NFIB: variants seen among roughly 807,000 people sequenced by gnomAD.
NFIB encodes nuclear factor I B, also known as nuclear factor 1 B-type.
NFIB carries 11 observed loss-of-function variants against 61.5 expected under a neutral mutation model. That is an observed-to-expected ratio of 0.18 (90% confidence interval 0.11 to 0.30). The LOEUF (loss-of-function observed/expected upper bound fraction) is 0.30, where lower values mean the gene tolerates loss of function less well. NFIB is among the 10% of genes least tolerant of loss of function. The pLI is 1.00. For missense variants in NFIB, 471 were observed against 608.9 expected (o/e 0.77, Z 2.38); for synonymous variants, 260 against 216.5 (o/e 1.20, Z -1.76).
chr9:14,160,140 T>G (rs751905066), intron 3 of NFIB, among the ~76,000 whole-genome samples: 3 of 152,090 alleles, frequency 2.0e-5, no homozygotes, highest in Non-Finnish European at 4.4e-5. Context: ...TAAAATTGAG[T>G]AGGAAATAAA....
At chr9:14,189,938 T>C (rs572681716) in intron 2 of NFIB, among the ~76,000 whole-genome samples, 17 of 152,124 alleles carry the variant, frequency 1.1e-4, no homozygotes, top group Admixed American at 9.8e-4. Flanking sequence ...TATTCTAATT[T>C]TTAAGTTTCT....
intron 2 of NFIB, among the ~76,000 whole-genome samples, chr9:14,243,924 C>T (rs2054612840): frequency 6.6e-6 from 1 of 152,126 alleles, no homozygotes; most frequent in East Asian, 1.9e-4. Flanking sequence ...ACATTGGTAG[C>T]AGAATTAAAC....
chr9:14,305,943 T>A, intron 2 of NFIB: 1 of 1,306,846 alleles, frequency 7.7e-7, no homozygotes, highest in Non-Finnish European at 9.9e-7. Flanking sequence ...GTAAAATGAT[T>A]GTTTTACTAT....
intron 1 of NFIB, among the ~76,000 whole-genome samples, chr9:14,363,636 C>CAT (rs1345230869): frequency 8.2e-6 from 1 of 121,612 alleles, no homozygotes; most frequent in South Asian, 2.3e-4. Flanking sequence ...TGTACATATA[C>CAT]ATATATATGT....
At chr9:14,492,935 C>G in the NFIB span, among the ~76,000 whole-genome samples, 13 of 152,240 alleles carry the variant, frequency 8.5e-5, no homozygotes, top group Admixed American at 3.9e-4. Context: ...ACTAACCTCT[C>G]TGAGCTTCAT....
intron 3 of NFIB, among the ~76,000 whole-genome samples, chr9:14,175,815 A>G (rs899649198): frequency 2.3e-4 from 35 of 152,238 alleles, no homozygotes; most frequent in African/African-American, 8.2e-4. Flanking sequence ...AAACTGCCCT[A>G]GCATTTAACA....
At chr9:14,312,762 C>G (rs1328689067) in intron 1 of NFIB, among the ~76,000 whole-genome samples, 1 of 152,180 alleles carries the variant, frequency 6.6e-6, no homozygotes, top group Non-Finnish European at 1.5e-5. Flanking sequence ...GAGCTACGCC[C>G]AAATATCGTC....
intron 2 of NFIB, among the ~76,000 whole-genome samples, chr9:14,237,815 T>TGTGTG (rs2053919393): frequency 1.6e-5 from 1 of 60,618 alleles, no homozygotes; most frequent in African/African-American, 5.3e-5. Flanking sequence ...TGTGTGTGTG[T>TGTGTG]AAGCTCCTCA....
Position 14,088,051 on chromosome 9 carries a change from G to GTT in NFIB, c.*257_*258insAA. On this transcript the variant is annotated 3_prime_UTR_variant, in exon 11 of 11. Transcript: ENST00000380953. ...TTCAACCTTAAGGGAATTAGTGATT[G>GTT]TAAGTGCTGCAATTGCTGGTCTATT... 1 of 653,710 alleles carries GTT rather than the reference G, an allele frequency of 1.5e-6. No individual in the cohort carries two copies. Among genetic ancestry groups the GTT allele is most frequent in the Non-Finnish European group, 2.2e-6 (1 of 445,920 alleles). 40.5% of individuals were successfully genotyped at this position (653,710 alleles called of 1,614,324 possible).
At chr9:14,192,881 G>C (rs2048104050) in intron 2 of NFIB, among the ~76,000 whole-genome samples, 3 of 151,942 alleles carry the variant, frequency 2.0e-5, no homozygotes, top group Non-Finnish European at 4.4e-5. Context: ...ACTCAAATCT[G>C]ACAGATACAT....
the NFIB span, among the ~76,000 whole-genome samples, chr9:14,417,851 G>A: frequency 6.8e-6 from 1 of 147,588 alleles, no homozygotes. Context: ...TGCGATCTCG[G>A]CTCACTGCAA....
chr9:14,345,221 T>C (rs688702), intron 1 of NFIB, among the ~76,000 whole-genome samples: 44,034 of 152,114 alleles, frequency 0.29, 10,975 homozygotes, highest in African/African-American at 0.68. Flanking sequence ...CTCCAAAGCC[T>C]TTAACTTTTT....
intron 2 of NFIB, among the ~76,000 whole-genome samples, chr9:14,264,718 G>A (rs10122910): frequency 0.7 from 106,660 of 151,966 alleles, 38,377 homozygotes; most frequent in Middle Eastern, 0.88. Context: ...GAATGTAGAG[G>A]AGAAAAGGAT....
intron 6 of NFIB, among the ~76,000 whole-genome samples, chr9:14,145,217 G>A (rs2131095393): frequency 6.6e-6 from 1 of 151,984 alleles, no homozygotes; most frequent in Non-Finnish European, 1.5e-5. Context: ...TTCCCTCCAT[G>A]TGCACTGTGT....
chr9:14,101,300 G>C (rs1345523453), intron 10 of NFIB, among the ~76,000 whole-genome samples: 1 of 152,118 alleles, frequency 6.6e-6, no homozygotes, highest in Non-Finnish European at 1.5e-5. Context: ...TCTTCAAGAA[G>C]AAAAGTCACA....
chr9:14,312,685 C>G (rs937889217), intron 1 of NFIB, among the ~76,000 whole-genome samples: 2 of 152,174 alleles, frequency 1.3e-5, no homozygotes, highest in Admixed American at 1.3e-4. Flanking sequence ...TTCCTAAGGT[C>G]TTAGGACAAT....
intron 2 of NFIB, among the ~76,000 whole-genome samples, chr9:14,291,615 GA>G (rs1426059431): frequency 2.0e-5 from 3 of 152,010 alleles, no homozygotes; most frequent in Admixed American, 2.0e-4. Flanking sequence ...TTAAATAAAA[GA>G]GATATGGATG....
At chr9:14,369,888 C>T (rs980299313) in intron 1 of NFIB, among the ~76,000 whole-genome samples, 8 of 152,304 alleles carry the variant, frequency 5.3e-5, no homozygotes, top group African/African-American at 1.9e-4. Context: ...ATTAGACTCT[C>T]ATAACCTAGA....
chr9:14,187,121 T>C (rs1422507975), intron 2 of NFIB, among the ~76,000 whole-genome samples: 2 of 151,714 alleles, frequency 1.3e-5, no homozygotes, highest in African/African-American at 4.9e-5. Context: ...TGTCTCTCTG[T>C]CTCTTTTCAA....
Sources: allele counts gnomAD v4.1 joint callset (sites outside exome capture counted in the v4.1 genomes callset), GRCh38; gene constraint gnomAD v4.1.1; transcripts MANE v1.5; gene names NCBI Gene and HGNC (gene_info 2026-07-23, HGNC 2026-07-21).